The following ATXN1 variants were observed in gnomAD, a reference collection of about 807,000 sequenced individuals.
ATXN1 encodes ataxin-1.
A neutral mutation model predicts 56.4 loss-of-function variants in ATXN1; 8 were observed. The observed-to-expected ratio is 0.14, with a 90% CI of 0.08 to 0.26. The LOEUF (loss-of-function observed/expected upper bound fraction) is 0.26. ATXN1 is among the 10% of genes least tolerant of loss of function. The pLI is 1.00. For synonymous variants in ATXN1, 514 were observed against 494.6 expected (o/e 1.04, Z -0.52); for missense variants, 987 against 1,106.5 (o/e 0.89, Z 1.53).
intron 6 of ATXN1, among the ~76,000 whole-genome samples, chr6:16,351,903 G>A (rs1761577193): frequency 6.6e-6 from 1 of 152,226 alleles, no homozygotes; most frequent in African/African-American, 2.4e-5. Context: ...TGGGAAATGG[G>A]AAGTGAGGTC....
At position 16,327,950 on chromosome 6, in the gene ATXN1, C is replaced by A. The variant is rs770179993; in HGVS notation, c.361G>T (p.Ala121Ser). 2 of 1,612,576 alleles carry A rather than the reference C, an allele frequency of 1.2e-6. No individual in the cohort carries two copies. Among genetic ancestry groups the A allele is most frequent in the Non-Finnish European group, 1.7e-6 (2 of 1,179,874 alleles). Residue 121 changes from alanine (A) to serine (S), a missense_variant, in exon 7 of 8, where the codon GCT becomes TCT. Coordinates refer to ENST00000436367, the MANE Select transcript of ATXN1 (RefSeq NM_001128164.2). ...AACTGGAAGGTGTGCGGCAGGTGAG[C>A]GTACTGCACGGGGGACACCGGGGTC... ...PGTPVSPVQY[A>S]HLPHTFQFIG...
At chr6:16,468,719 T>C (rs954334893) in intron 6 of ATXN1, among the ~76,000 whole-genome samples, 1 of 152,188 alleles carries the variant, frequency 6.6e-6, no homozygotes, top group African/African-American at 2.4e-5. Flanking sequence ...AGCAGATTGT[T>C]AACAATGTCC....
intron 3 of ATXN1, among the ~76,000 whole-genome samples, chr6:16,636,782 A>G (rs942034215): frequency 2.0e-5 from 3 of 152,176 alleles, no homozygotes; most frequent in Non-Finnish European, 4.4e-5. Flanking sequence ...GGTGCACTTT[A>G]AAAAATAATC....
At chr6:16,592,598 A>T (rs1762741843) in intron 3 of ATXN1, among the ~76,000 whole-genome samples, 1 of 151,790 alleles carries the variant, frequency 6.6e-6, no homozygotes. Context: ...ACGCCCCAAG[A>T]TTTTCTAGGC....
At position 16,572,167 on chromosome 6, in the gene ATXN1, T is replaced by C. The variant is rs1207000892; in HGVS notation, c.-361+13613A>G. 1.3e-5 allele frequency among the ~76,000 whole-genome samples: 2 copies of C among 152,170 alleles called. 1 individual carries two copies. Among genetic ancestry groups the C allele is most frequent in the Non-Finnish European group, 2.9e-5 (2 of 68,026 alleles). The stretch of plus-strand genomic sequence containing the variant: ...TAGAACCAGAACTTCCACAATTTCA[T>C]ATTTTTAAGAATATCAAGCAACTTC... On this transcript the variant is annotated intron_variant, in intron 4 of 7. Coordinates refer to ENST00000436367, the MANE Select transcript of ATXN1 (RefSeq NM_001128164.2).
chr6:16,581,920 C>T lies in ATXN1; in HGVS notation c.-361+3860G>A, dbSNP rs377735649. On this transcript the variant is annotated intron_variant, in intron 4 of 7. Coordinates refer to ENST00000436367, the MANE Select transcript of ATXN1 (RefSeq NM_001128164.2). The stretch of plus-strand genomic sequence containing the variant: ...GTAGAGTTATAAAAAGTAAAAGACT[C>T]ATTTCACAATTTCTTAAGGATATGG... Among the ~76,000 whole-genome samples the T allele has an allele frequency of 1.4e-4, 22 of 152,292 alleles. No homozygotes were observed. In the South Asian group the frequency reaches 4.4e-3, roughly 30 times the overall value.
chr6:16,532,809 G>A (rs35923930), intron 4 of ATXN1, among the ~76,000 whole-genome samples: 39 of 152,284 alleles, frequency 2.6e-4, no homozygotes, highest in African/African-American at 7.7e-4. Flanking sequence ...TGGTACAGCT[G>A]CTGTGAAAAA....
chr6:16,422,794 C>A (rs999823606), intron 6 of ATXN1, among the ~76,000 whole-genome samples: 3 of 152,216 alleles, frequency 2.0e-5, no homozygotes, highest in African/African-American at 7.2e-5. Flanking sequence ...CCTTCACCCA[C>A]AGAGAGATGT....
At chr6:16,403,362 A>AT (rs995375129) in intron 6 of ATXN1, among the ~76,000 whole-genome samples, 2 of 151,726 alleles carry the variant, frequency 1.3e-5, no homozygotes, top group African/African-American at 2.4e-5. Context: ...TTAAAAAAAA[A>AT]TTTTTTAAGA....
At chr6:16,681,827 G>A (rs900013231) in intron 2 of ATXN1, among the ~76,000 whole-genome samples, 27 of 152,222 alleles carry the variant, frequency 1.8e-4, no homozygotes, top group Non-Finnish European at 2.9e-4. Flanking sequence ...AATGTGCAAT[G>A]GAGACTATTT....
intron 6 of ATXN1, among the ~76,000 whole-genome samples, chr6:16,465,123 C>A (rs1176702682): frequency 6.6e-6 from 1 of 152,188 alleles, no homozygotes; most frequent in African/African-American, 2.4e-5. Flanking sequence ...GTGTTCCTCC[C>A]AGGTGTCCTT....
chr6:16,541,923 T>A (rs993849848), intron 4 of ATXN1, among the ~76,000 whole-genome samples: 2 of 152,094 alleles, frequency 1.3e-5, no homozygotes, highest in Non-Finnish European at 2.9e-5. Context: ...GAAAGTACAA[T>A]GTGAACTACA....
At position 16,523,354 on chromosome 6, in the gene ATXN1, T is replaced by C. The variant is rs575206441; in HGVS notation, c.-360-666A>G. Among the ~76,000 whole-genome samples the C allele has an allele frequency of 2.1e-4, 32 of 152,306 alleles. No individual in the cohort carries two copies. The East Asian group carries it at 6.2e-3, about 29-fold the overall frequency. On this transcript the variant is annotated intron_variant, in intron 4 of 7. Coordinates refer to ENST00000436367, the MANE Select transcript of ATXN1 (RefSeq NM_001128164.2). Reference sequence around the variant, plus strand: ...GAGTGGCAGAGCTGAGCTCAGACCCTGGGATCCTCCCTCCAAAGTCCCTCT... The same window carrying C: ...GAGTGGCAGAGCTGAGCTCAGACCCCGGGATCCTCCCTCCAAAGTCCCTCT...
intron 3 of ATXN1, among the ~76,000 whole-genome samples, chr6:16,613,221 T>C (rs1392425266): frequency 1.5e-5 from 2 of 133,202 alleles, no homozygotes; most frequent in African/African-American, 5.7e-5. Flanking sequence ...GCCGAGATTG[T>C]GCCACTGCAG....
intron 2 of ATXN1, among the ~76,000 whole-genome samples, chr6:16,699,528 A>C (rs1227808929): frequency 6.6e-6 from 1 of 152,166 alleles, no homozygotes; most frequent in Admixed American, 6.5e-5. Context: ...CCATCTGTTT[A>C]TTCACAGCTT....
chr6:16,340,917 AG>A (rs886883521), intron 6 of ATXN1, among the ~76,000 whole-genome samples: 1 of 152,218 alleles, frequency 6.6e-6, no homozygotes, highest in African/African-American at 2.4e-5. Flanking sequence ...GCTCAGAGAA[AG>A]CCTCCCTGTG....
chr6:16,535,871 A>G (rs1216444748), intron 4 of ATXN1, among the ~76,000 whole-genome samples: 1 of 152,210 alleles, frequency 6.6e-6, no homozygotes, highest in Admixed American at 6.5e-5. Context: ...CAATCTGCCA[A>G]TTTTAAGGAG....
chr6:16,588,654 C>T (rs1241582601), intron 3 of ATXN1, among the ~76,000 whole-genome samples: 3 of 152,138 alleles, frequency 2.0e-5, no homozygotes, highest in Admixed American at 6.5e-5. Context: ...TTTTCCCCCA[C>T]GAATCAATAA....
intron 4 of ATXN1, among the ~76,000 whole-genome samples, chr6:16,557,277 A>G (rs1329755383): frequency 2.7e-5 from 4 of 150,560 alleles, no homozygotes; most frequent in African/African-American, 9.8e-5. Context: ...CAGTGAGCCA[A>G]GATTGTGCCA....
Sources: allele counts gnomAD v4.1 joint callset (sites outside exome capture counted in the v4.1 genomes callset), GRCh38; gene constraint gnomAD v4.1.1; transcripts MANE v1.5; gene names NCBI Gene and HGNC (gene_info 2026-07-23, HGNC 2026-07-21).